RARS2: variants seen among roughly 807,000 people sequenced by gnomAD.
RARS2 encodes the protein probable arginine--tRNA ligase, mitochondrial.
Under a neutral mutation model 88.5 loss-of-function variants are expected in RARS2, and 67 were observed. The observed-to-expected ratio is 0.76, with a 90% CI of 0.62 to 0.93. RARS2 has a LOEUF of 0.93. Ranked by LOEUF, RARS2 falls within the 40% of genes least tolerant of loss-of-function variation. The pLI is 0.00. For synonymous variants in RARS2, 239 were observed against 230.3 expected (o/e 1.04, Z -0.34); for missense variants, 664 against 684.2 (o/e 0.97, Z 0.33).
chr6:87,554,943 A>C (rs1013004820), intron 5 of RARS2, among the ~76,000 whole-genome samples: 25 of 152,030 alleles, frequency 1.6e-4, no homozygotes, highest in African/African-American at 6.0e-4. Context: ...TCTACTAAAA[A>C]TCCAAAAAAA....
rs73496064 is a variant in RARS2 at position 87,564,188 on chromosome 6, T to C, written c.155A>G (p.Lys52Arg). 1 of 1,613,750 alleles carries C rather than the reference T, an allele frequency of 6.2e-7. No homozygotes were observed. Among genetic ancestry groups the C allele is most frequent in the African/African-American group, 1.3e-5 (1 of 74,912 alleles). Residue 52 changes from lysine (K) to arginine (R), a missense_variant, in exon 3 of 20, where the codon AAA (lysine) becomes AGA (arginine). Transcript: ENST00000369536. ...FQLSVDSLLE[K>R]DNDHSRPDIQ... ...ATCTGGTCTTGAATGGTCATTGTCT[T>C]TTTCCAATAAAGAATCCACAGAAAG...
chr6:87,551,526 A>G (rs1045989987), intron 5 of RARS2, among the ~76,000 whole-genome samples: 2 of 144,488 alleles, frequency 1.4e-5, no homozygotes, highest in African/African-American at 5.1e-5. Context: ...TCTACTGGGG[A>G]GGCTGAGGCA....
intron 19 of RARS2, 69 bp downstream of exon 19, chr6:87,514,888 A>T: frequency 7.5e-7 from 1 of 1,324,860 alleles, no homozygotes; most frequent in Non-Finnish European, 1.1e-6. Flanking sequence ...AGAAAAATTT[A>T]CAAGACTGAC....
intron 1 of RARS2, among the ~76,000 whole-genome samples, chr6:87,572,583 GA>G (rs1185785734): frequency 2.0e-5 from 3 of 151,806 alleles, no homozygotes; most frequent in African/African-American, 7.3e-5. Flanking sequence ...TTTCCCCAGA[GA>G]AAAGGTCTCA....
chr6:87,540,017 TCCTC>T (rs1780407760), intron 8 of RARS2, among the ~76,000 whole-genome samples: 3 of 152,170 alleles, frequency 2.0e-5, no homozygotes, highest in East Asian at 1.9e-4. Flanking sequence ...ATTTTTATAT[TCCTC>T]CCTATCAATA....
rs778316102 is a variant in RARS2, at chr6:87,541,950, G to A, written c.580C>T (p.Leu194=). The change falls in exon 8 of 20, where the codon CTG becomes TTG. Residue 194 remains leucine, a synonymous_variant. Transcript: ENST00000369536. ...AGATGCTGTAGAGGATTGGACTGCA[G>A]TTTTTCCTCATAGCCAAACAGCTGG... ...GFQLFGYEEK[L]QSNPLQHLFE... 1.2e-6 allele frequency: 2 copies of A among 1,613,736 alleles called. No homozygotes were observed. Among genetic ancestry groups the A allele is most frequent in the East Asian group, 4.5e-5 (2 of 44,856 alleles).
At chr6:87,527,659 G>T (rs986430707) in intron 10 of RARS2, among the ~76,000 whole-genome samples, 3 of 151,966 alleles carry the variant, frequency 2.0e-5, no homozygotes. Context: ...CATGTATCTG[G>T]TAAGGGGTTA....
At chr6:87,522,202 C>T (rs565120129) in intron 11 of RARS2, among the ~76,000 whole-genome samples, 5 of 152,080 alleles carry the variant, frequency 3.3e-5, no homozygotes, top group South Asian at 2.1e-4. Context: ...TGGTGGCGCA[C>T]GCCTGTAATC....
chr6:87,578,200 T>C (rs922877380), intron 1 of RARS2, among the ~76,000 whole-genome samples: 12 of 152,296 alleles, frequency 7.9e-5, no homozygotes, highest in Admixed American at 5.2e-4. Context: ...AGTACTATTT[T>C]ACTTTTCAAT....
chr6:87,515,146 A>ATC, intron 18 of RARS2, 126 bp from the exon 19 acceptor site: 3 of 800,108 alleles, frequency 3.7e-6, no homozygotes, highest in Non-Finnish European at 6.5e-6. Context: ...ATGTATTCAA[A>ATC]ATTGTGAAGT....
chr6:87,528,173 G>C (rs919313496), intron 10 of RARS2, among the ~76,000 whole-genome samples: 7 of 148,310 alleles, frequency 4.7e-5, no homozygotes, highest in African/African-American at 1.7e-4. Flanking sequence ...AATCATCAGG[G>C]AAATACAAAA....
At chr6:87,567,251 C>CA (rs1258498595) in intron 2 of RARS2, among the ~76,000 whole-genome samples, 2 of 42,170 alleles carry the variant, frequency 4.7e-5, no homozygotes, top group Non-Finnish European at 7.4e-5. Flanking sequence ...GATTCCGCCT[C>CA]AAAAAAACAA....
At chr6:87,567,344 T>A (rs1254480478) in intron 2 of RARS2, among the ~76,000 whole-genome samples, 1 of 152,254 alleles carries the variant, frequency 6.6e-6, no homozygotes, top group Non-Finnish European at 1.5e-5. Flanking sequence ...CACTCATTCT[T>A]TATACTTAAA....
At chr6:87,565,383 TG>T (rs1342765665) in intron 2 of RARS2, among the ~76,000 whole-genome samples, 1 of 151,810 alleles carries the variant, frequency 6.6e-6, no homozygotes, top group African/African-American at 2.4e-5. Flanking sequence ...ACTGGGTAGG[TG>T]AAAAAAAAAT....
Position 87,518,475 on chromosome 6 carries a change from A to AT in RARS2, c.1415+154dup, listed in dbSNP as rs71018027. 62,352 of 1,015,212 alleles carry AT rather than the reference A, an allele frequency of 0.061. 269 individuals carry two copies. The highest frequency in any genetic ancestry group is 0.07 in the Middle Eastern group (191 of 2,724). The allele number at this position is 1,015,212 out of a possible 1,614,324, so 62.9% of individuals were successfully genotyped here. The stretch of plus-strand genomic sequence containing the variant: ...TATTTCTAACATAGGTGCTCAATAA[A>AT]TTTTTTTTTTTTCCTAAAAGAAGGT... On this transcript the variant is annotated intron_variant, in intron 16 of 19. Transcript: ENST00000369536.
chr6:87,550,823 C>T (rs1426698816), intron 5 of RARS2, among the ~76,000 whole-genome samples: 1 of 134,900 alleles, frequency 7.4e-6, no homozygotes, highest in Non-Finnish European at 1.6e-5. Flanking sequence ...AAAAAAAAAG[C>T]AAGAAGTGAA....
In RARS2 at chr6:87,545,688, C is replaced by T. The variant is rs773279035; in HGVS notation, c.463G>A (p.Ala155Thr). 2.5e-6 allele frequency: 4 copies of T among 1,613,008 alleles called. No homozygotes were observed. In the Admixed American group the frequency reaches 5.0e-5, roughly 20 times the overall value. Residue 155 changes from alanine to threonine, a missense_variant, in exon 7 of 20, where the codon GCA (alanine) becomes ACA (threonine). Physicochemically the swap from Ala to Thr is moderately conservative, Grantham distance 58 (BLOSUM62 0). Transcript: ENST00000369536. ...LRSTIIGNFI[A>T]NLKEALGHQV... ...TGTCCTAAAGCTTCTTTGAGATTTG[C>T]TATAAAATTTCCTAGTAATCAATAA...
chr6:87,553,997 G>T (rs1785076019), intron 5 of RARS2, among the ~76,000 whole-genome samples: 1 of 152,130 alleles, frequency 6.6e-6, no homozygotes, highest in Non-Finnish European at 1.5e-5. Context: ...CTCTTTCTCT[G>T]ATTGTCCAGG....
rs758200444 is a variant in RARS2, at chr6:87,530,955, T to C, written c.613-13A>G. ...CTTGTACATAAACCTAAAAGTACAA[T>C]AGTACATTAAATGAAGTACATAACA... On this transcript the variant is annotated splice_polypyrimidine_tract_variant and intron_variant, in intron 8 of 19. Coordinates refer to ENST00000369536, the MANE Select transcript of RARS2 (RefSeq NM_020320.5). 9.3e-6 allele frequency: 15 copies of C among 1,613,870 alleles called. No homozygotes were observed. The highest frequency in any genetic ancestry group is 3.3e-5 in the South Asian group (3 of 91,086).
Sources: allele counts gnomAD v4.1 joint callset (sites outside exome capture counted in the v4.1 genomes callset), GRCh38; gene constraint gnomAD v4.1.1; transcripts MANE v1.5; gene names NCBI Gene and HGNC (gene_info 2026-07-23, HGNC 2026-07-21).